Variants in RARB observed in about 807,000 individuals in gnomAD.
RARB encodes the protein retinoic acid receptor beta.
In RARB, 17 loss-of-function variants were observed where a neutral mutation model predicts 51.9. That is an observed-to-expected ratio of 0.33 (90% CI 0.22 to 0.49). The LOEUF (loss-of-function observed/expected upper bound fraction) is 0.49. Among genes scored for constraint, RARB ranks in the 20% least tolerant of loss-of-function variants. The pLI, the probability that RARB is intolerant of heterozygous loss-of-function variation, is 0.99. For synonymous variants in RARB, 215 were observed against 195.4 expected, an observed-to-expected ratio of 1.10 and a Z score of -0.84; for missense variants, 369 against 550.8, an observed-to-expected ratio of 0.67 and a Z score of 3.30.
intron 5 of RARB, among the ~76,000 whole-genome samples, chr3:25,309,171 C>T (rs966618015): frequency 2.7e-4 from 30 of 111,902 alleles, no homozygotes; most frequent in Non-Finnish European, 4.0e-4. Context: ...TGGAGTCTTG[C>T]TCTGTCACCC....
At chr3:25,590,248 C>T (rs532490178) in intron 5 of RARB, among the ~76,000 whole-genome samples, 5 of 152,214 alleles carry the variant, frequency 3.3e-5, no homozygotes, top group Non-Finnish European at 7.4e-5. Flanking sequence ...AAAACCTTTT[C>T]GAATAGAATA....
chr3:25,196,523 A>G (rs901417946), intron 5 of RARB, among the ~76,000 whole-genome samples: 2 of 152,266 alleles, frequency 1.3e-5, no homozygotes, highest in East Asian at 1.9e-4. Context: ...TAGTGCCGCA[A>G]TAAACATACG....
At chr3:25,147,560 G>C (rs550021821) in intron 4 of RARB, among the ~76,000 whole-genome samples, 23 of 152,310 alleles carry the variant, frequency 1.5e-4, no homozygotes, top group Admixed American at 1.3e-3. Flanking sequence ...TGAAAGAAAA[G>C]TGGTTACTCT....
At chr3:25,416,880 G>A (rs1707719930) in intron 5 of RARB, among the ~76,000 whole-genome samples, 1 of 152,178 alleles carries the variant, frequency 6.6e-6, no homozygotes. Context: ...AGCCTCCTCT[G>A]TTACTGTTGT....
chr3:25,001,787 C>G (rs1000655338), intron 2 of RARB, among the ~76,000 whole-genome samples: 2 of 152,176 alleles, frequency 1.3e-5, no homozygotes, highest in Admixed American at 1.3e-4. Flanking sequence ...ACTTACAGCA[C>G]TTTGATCATG....
At chr3:25,492,739 T>C (rs1559432237) in intron 2 of RARB, among the ~76,000 whole-genome samples, 1 of 152,202 alleles carries the variant, frequency 6.6e-6, no homozygotes, top group Non-Finnish European at 1.5e-5. Flanking sequence ...TTTCTACGCA[T>C]ATTTTCAAAA....
intron 2 of RARB, among the ~76,000 whole-genome samples, chr3:24,917,270 T>G (rs973350965): frequency 8.5e-5 from 13 of 152,104 alleles, no homozygotes; most frequent in African/African-American, 3.1e-4. Flanking sequence ...TTAAGAGGTT[T>G]TAGATATGAC....
intron 5 of RARB, among the ~76,000 whole-genome samples, chr3:25,416,424 G>C (rs547046745): frequency 1.3e-5 from 2 of 152,258 alleles, no homozygotes; most frequent in South Asian, 2.1e-4. Context: ...GAGGATTCTT[G>C]GGGAGTTCGA....
intron 2 of RARB, among the ~76,000 whole-genome samples, chr3:25,473,565 A>C (rs1445713383): frequency 6.6e-6 from 1 of 152,194 alleles, no homozygotes; most frequent in Non-Finnish European, 1.5e-5. Context: ...AAGCAGCAAA[A>C]TGCAGGCTTT....
intron 5 of RARB, among the ~76,000 whole-genome samples, chr3:25,208,021 AG>A (rs551682469): frequency 1.3e-4 from 19 of 149,978 alleles, no homozygotes; most frequent in South Asian, 4.4e-4. Flanking sequence ...AGAGAGGGCA[AG>A]GGGGGGAGCA....
intron 3 of RARB, among the ~76,000 whole-genome samples, chr3:25,543,390 A>T (rs1046257567): frequency 6.6e-6 from 1 of 152,178 alleles, no homozygotes; most frequent in South Asian, 2.1e-4. Context: ...TCTCCTTGAC[A>T]TACATCCTCC....
intron 3 of RARB, among the ~76,000 whole-genome samples, chr3:25,565,159 A>G (rs1700440108): frequency 6.6e-6 from 1 of 152,208 alleles, no homozygotes; most frequent in South Asian, 2.1e-4. Context: ...GGGTAGACTC[A>G]GACGCAGCGG....
At chr3:25,275,076 T>C (rs1418345425) in intron 5 of RARB, among the ~76,000 whole-genome samples, 1 of 152,242 alleles carries the variant, frequency 6.6e-6, no homozygotes, top group African/African-American at 2.4e-5. Context: ...CATGCTCTTA[T>C]GTGCTGCCCC....
rs532433891 is a variant in RARB at position 25,534,485 on chromosome 3, C to A, written c.448+33162C>A. 4.6e-5 allele frequency among the ~76,000 whole-genome samples: 7 copies of A among 152,170 alleles called. No individual in the cohort carries two copies. In the East Asian group the frequency reaches 1.4e-3, roughly 29 times the overall value. ...AGAGAAAGGTCACTGCTCACAAGCC[C>A]TGTGGGAATGTCATGTGTGCTTCTC... On this transcript the variant is annotated intron_variant, in intron 3 of 7. Coordinates refer to ENST00000330688, the MANE Select transcript of RARB (RefSeq NM_000965.5).
At chr3:24,897,464 T>C (rs1288294105) in intron 2 of RARB, among the ~76,000 whole-genome samples, 1 of 152,154 alleles carries the variant, frequency 6.6e-6, no homozygotes, top group East Asian at 1.9e-4. Context: ...TCTATTTTAA[T>C]AAAAATTTCA....
intron 3 of RARB, among the ~76,000 whole-genome samples, chr3:25,065,607 A>G (rs1698645840): frequency 6.6e-6 from 1 of 152,230 alleles, no homozygotes; most frequent in Non-Finnish European, 1.5e-5. Flanking sequence ...TGTTCTACCC[A>G]AAGTATGAAC....
Position 25,555,828 on chromosome 3 carries a change from G to A in RARB, c.449-13930G>A, listed in dbSNP as rs146666416. Among the ~76,000 whole-genome samples the A allele has an allele frequency of 2.7e-3, 408 of 152,242 alleles. 2 individuals are homozygous for A. Among genetic ancestry groups the A allele is most frequent in the Non-Finnish European group, 4.0e-3 (274 of 68,016 alleles). Reference sequence around the variant, plus strand: ...CATTGCCTTTCCTCTCTCCACCAAGGGCTGGAGGCTGCCTCTACCTTAGAA... The same window carrying A: ...CATTGCCTTTCCTCTCTCCACCAAGAGCTGGAGGCTGCCTCTACCTTAGAA... On this transcript the variant is annotated intron_variant, in intron 3 of 7. Transcript: ENST00000330688.
Position 25,411,773 on chromosome 3 carries a change from C to T in RARB, c.179-49420C>T, listed in dbSNP as rs1193877075. ...AAGTTGGTATAAACAAGGACAATTT[C>T]CTGGCTGGAAAGACAGTGACCCTTG... On this transcript the variant is annotated intron_variant, in intron 5 of 11. Coordinates refer to the RARB transcript ENST00000383772. Among the ~76,000 whole-genome samples the T allele has an allele frequency of 2.6e-5, 4 of 152,176 alleles. No individual in the cohort carries two copies. In the East Asian group the frequency reaches 5.8e-4, roughly 22 times the overall value.
At chr3:25,569,956 G>A in intron 4 of RARB, 38 bp downstream of exon 4, 3 of 1,582,498 alleles carry the variant, frequency 1.9e-6, no homozygotes, top group Non-Finnish European at 2.6e-6. Context: ...TGGGAGTGTG[G>A]AAACCTTGTA....
Sources: allele counts gnomAD v4.1 joint callset (sites outside exome capture counted in the v4.1 genomes callset), GRCh38; gene constraint gnomAD v4.1.1; transcripts MANE v1.5; gene names NCBI Gene and HGNC (gene_info 2026-07-23, HGNC 2026-07-21).